The following ELOVL5 variants were observed in gnomAD, a reference collection of about 807,000 sequenced individuals.
ELOVL5 encodes the protein ELOVL fatty acid elongase 5.
Under a neutral mutation model 38.6 loss-of-function variants are expected in ELOVL5, and 8 were observed. The observed-to-expected ratio is 0.21, with a 90% CI of 0.12 to 0.37. The LOEUF is 0.37. Ranked by LOEUF, ELOVL5 falls within the 10% of genes least tolerant of loss-of-function variation. The pLI is 1.00. For synonymous variants in ELOVL5, 127 were observed against 133.7 expected (o/e 0.95, Z 0.34); for missense variants, 280 against 367.8 (o/e 0.76, Z 1.95).
At chr6:53,320,469 G>C (rs1444751808) in intron 1 of ELOVL5, among the ~76,000 whole-genome samples, 1 of 151,950 alleles carries the variant, frequency 6.6e-6, no homozygotes, top group Admixed American at 6.5e-5. Flanking sequence ...CCGAGTAGCT[G>C]GGACTACAAG....
intron 1 of ELOVL5, among the ~76,000 whole-genome samples, chr6:53,342,477 G>T (rs1582004738): frequency 6.6e-6 from 1 of 152,172 alleles, no homozygotes; most frequent in Non-Finnish European, 1.5e-5. Context: ...CTTCAATTAG[G>T]TCTGTTCAGC....
intron 6 of ELOVL5, 90 bp downstream of exon 6, chr6:53,273,130 A>T (rs1430261472): frequency 8.9e-6 from 12 of 1,352,830 alleles, no homozygotes; most frequent in Non-Finnish European, 1.2e-5. Context: ...GAGAAGGGGC[A>T]TCTTAGATGC....
chr6:53,333,154 G>T (rs1768880638), intron 1 of ELOVL5, among the ~76,000 whole-genome samples: 1 of 147,470 alleles, frequency 6.8e-6, no homozygotes, highest in South Asian at 2.2e-4. Context: ...TAAAGAGAGT[G>T]TTAATCCTGT....
At chr6:53,322,130 A>G (rs1030262432) in intron 1 of ELOVL5, among the ~76,000 whole-genome samples, 2 of 152,224 alleles carry the variant, frequency 1.3e-5, no homozygotes, top group Admixed American at 6.5e-5. Flanking sequence ...CATTTGTTAA[A>G]TATCTATTCT....
chr6:53,318,165 A>AT (rs1372518804), intron 1 of ELOVL5, among the ~76,000 whole-genome samples: 1 of 152,118 alleles, frequency 6.6e-6, no homozygotes, highest in Non-Finnish European at 1.5e-5. Context: ...GTTACAATAA[A>AT]TTTTTTTCTA....
chr6:53,280,680 C>A (rs1766315540), intron 3 of ELOVL5, among the ~76,000 whole-genome samples: 1 of 152,228 alleles, frequency 6.6e-6, no homozygotes, highest in Non-Finnish European at 1.5e-5. Flanking sequence ...GCAACCTCCA[C>A]TTCCTGGGCT....
At chr6:53,285,343 G>T (rs898907641) in intron 3 of ELOVL5, among the ~76,000 whole-genome samples, 2 of 152,236 alleles carry the variant, frequency 1.3e-5, no homozygotes, top group Admixed American at 6.5e-5. Context: ...ATCTAATCCA[G>T]AGCAAGCCAC....
At chr6:53,302,302 A>T (rs1767288685) in intron 1 of ELOVL5, among the ~76,000 whole-genome samples, 1 of 152,210 alleles carries the variant, frequency 6.6e-6, no homozygotes, top group Non-Finnish European at 1.5e-5. Flanking sequence ...TGAACTAATA[A>T]TCAAACTAGT....
At chr6:53,277,803 G>A (rs1766198305) in intron 3 of ELOVL5, 1 of 152,230 alleles carries the variant, frequency 6.6e-6, no homozygotes, top group Non-Finnish European at 1.5e-5. Context: ...GGAGGAAGCT[G>A]GCATGCACTC....
chr6:53,339,622 A>G (rs1400772184), intron 1 of ELOVL5, among the ~76,000 whole-genome samples: 1 of 152,208 alleles, frequency 6.6e-6, no homozygotes. Flanking sequence ...TTGCCTAGTG[A>G]CATCATAGCA....
chr6:53,327,166 A>G (rs1384153050), intron 1 of ELOVL5, among the ~76,000 whole-genome samples: 4 of 152,214 alleles, frequency 2.6e-5, no homozygotes, highest in African/African-American at 4.8e-5. Flanking sequence ...CTAGTAGGCA[A>G]TCTGCCATCA....
chr6:53,319,291 AAAAAAAAAAAAAAAAAAAAAAAAAAG>A (rs1768196346), intron 1 of ELOVL5, among the ~76,000 whole-genome samples: 25 of 39,670 alleles, frequency 6.3e-4, no homozygotes, highest in African/African-American at 1.1e-3. Context: ...AAAAAAAAAA[AAAAAAAAAAAAAAAAAAAAAAAAAAG>A]AAAGAAAGAA....
At chr6:53,321,279 G>A (rs1196535755) in intron 1 of ELOVL5, among the ~76,000 whole-genome samples, 1 of 152,234 alleles carries the variant, frequency 6.6e-6, no homozygotes, top group Non-Finnish European at 1.5e-5. Flanking sequence ...GGTCAGTCCT[G>A]CAGACATCAT....
chr6:53,336,123 T>C (rs979585243), intron 1 of ELOVL5, among the ~76,000 whole-genome samples: 4 of 152,242 alleles, frequency 2.6e-5, no homozygotes, highest in Admixed American at 1.3e-4. Flanking sequence ...AATAATAAAC[T>C]ACCTGTTGAT....
intron 1 of ELOVL5, among the ~76,000 whole-genome samples, chr6:53,314,152 A>G (rs761020651): frequency 1.3e-5 from 2 of 152,278 alleles, no homozygotes; most frequent in Non-Finnish European, 2.9e-5. Flanking sequence ...TAAGGTGATT[A>G]CATTTTAGTG....
chr6:53,339,490 T>A (rs1441224051), intron 1 of ELOVL5, among the ~76,000 whole-genome samples: 4 of 152,228 alleles, frequency 2.6e-5, no homozygotes, highest in Non-Finnish European at 4.4e-5. Context: ...TGACTTAATG[T>A]CATTCTCTAT....
In ELOVL5 at chr6:53,348,945, G is replaced by A. The variant is rs548681598; in HGVS notation, c.-137C>T. 4 of 429,688 alleles carry A rather than the reference G, an allele frequency of 9.3e-6. No individual in the cohort carries two copies. Among genetic ancestry groups the A allele is most frequent in the South Asian group, 3.2e-5 (2 of 62,496 alleles). 26.6% of individuals were successfully genotyped at this position (429,688 alleles called of 1,614,324 possible). A position where few individuals can be genotyped will look rare whatever the true frequency, so the allele number is the denominator to read the frequency against. On this transcript the variant is annotated 5_prime_UTR_variant, in exon 1 of 8. Coordinates refer to ENST00000304434, the MANE Select transcript of ELOVL5 (RefSeq NM_021814.5). ...CCGGTGGCTAGGACCCGCGCGATGG[G>A]AAGAGGAAGGCGCCGGCTATCTACA... is the stretch of plus-strand genomic sequence containing the variant.
At chr6:53,311,198 C>T (rs138402399) in intron 1 of ELOVL5, among the ~76,000 whole-genome samples, 198 of 152,314 alleles carry the variant, frequency 1.3e-3, no homozygotes, top group Middle Eastern at 6.8e-3. Flanking sequence ...GAAACTTCAA[C>T]ATAAACAGCG....
intron 1 of ELOVL5, among the ~76,000 whole-genome samples, chr6:53,339,761 G>A (rs1464773121): frequency 6.6e-6 from 1 of 152,196 alleles, no homozygotes; most frequent in African/African-American, 2.4e-5. Context: ...TATGTCATTG[G>A]TTTATGTATT....
Sources: allele counts gnomAD v4.1 joint callset (sites outside exome capture counted in the v4.1 genomes callset), GRCh38; gene constraint gnomAD v4.1.1; transcripts MANE v1.5; gene names NCBI Gene and HGNC (gene_info 2026-07-23, HGNC 2026-07-21).